MME: variants seen among roughly 807,000 people sequenced by gnomAD.
MME encodes neprilysin.
MME carries 98 observed loss-of-function variants against 113.2 expected under a neutral mutation model. The observed-to-expected ratio is 0.87, with a 90% CI of 0.74 to 1.02. The LOEUF (loss-of-function observed/expected upper bound fraction) is 1.02. Among genes scored for constraint, MME ranks in the 50% least tolerant of loss-of-function variants. The pLI, the probability that MME is intolerant of heterozygous loss-of-function variation, is 0.00. For missense variants in MME, 836 were observed against 896.0 expected, an observed-to-expected ratio of 0.93 and a Z score of 0.86; for synonymous variants, 292 against 300.6, an observed-to-expected ratio of 0.97 and a Z score of 0.30.
chr3:155,068,022 T>C lies in MME; in HGVS notation c.-10-16136T>C, dbSNP rs1397107378. Among the ~76,000 whole-genome samples, 4 of 152,158 alleles carry C rather than the reference T, an allele frequency of 2.6e-5. No homozygotes were observed. The East Asian group carries it at 7.7e-4, about 29-fold the overall frequency. The stretch of plus-strand genomic sequence containing the variant: ...TGTGTAATAGCCCCAAGCTATAAAT[T>C]AAACAAATTTCTATCAACAAGGGAA... On this transcript the variant is annotated intron_variant, in intron 1 of 22. Transcript: ENST00000492661.
chr3:155,059,578 A>C (rs1463223967), intron 1 of MME, among the ~76,000 whole-genome samples: 1 of 152,178 alleles, frequency 6.6e-6, no homozygotes, highest in East Asian at 1.9e-4. Flanking sequence ...ACAAGCTATT[A>C]ACCACTATAT....
rs535580344 is a variant in MME at position 155,042,900 on chromosome 3, T to A, written c.-11+18576T>A. The stretch of plus-strand genomic sequence containing the variant: ...TTAGAAAAATTACCAATAGTAGGTT[T>A]TATATATATATATATATATATATAT... On this transcript the variant is annotated intron_variant, in intron 1 of 22. Transcript: ENST00000492661. Among the ~76,000 whole-genome samples the A allele has an allele frequency of 4.9e-3, 307 of 62,900 alleles. 11 individuals carry two copies. Among genetic ancestry groups the A allele is most frequent in the Middle Eastern group, 0.015 (1 of 66 alleles). 41.3% of individuals were successfully genotyped at this position (62,900 alleles called of 152,430 possible). A position where few individuals can be genotyped will look rare whatever the true frequency, so the allele number is the denominator to read the frequency against.
intron 8 of MME, among the ~76,000 whole-genome samples, chr3:155,132,532 A>G (rs1720220384): frequency 6.7e-6 from 1 of 149,912 alleles, no homozygotes; most frequent in South Asian, 2.1e-4. Context: ...AGGACTTACA[A>G]TTTTTTTTTT....
intron 13 of MME, 73 bp downstream of exon 13, chr3:155,143,644 C>G: frequency 6.5e-7 from 1 of 1,548,392 alleles, no homozygotes; most frequent in Non-Finnish European, 8.9e-7. Flanking sequence ...TGAGCAATTA[C>G]AGTTCTCCAT....
intron 8 of MME, among the ~76,000 whole-genome samples, chr3:155,133,027 G>A (rs1720261970): frequency 1.6e-5 from 1 of 61,704 alleles, no homozygotes; most frequent in Non-Finnish European, 3.2e-5. Flanking sequence ...GGCAACAAGA[G>A]CAAACCCCGT....
intron 17 of MME, among the ~76,000 whole-genome samples, chr3:155,163,004 C>T (rs1170406170): frequency 7.9e-6 from 1 of 125,846 alleles, no homozygotes; most frequent in African/African-American, 3.1e-5. Context: ...CAAAACAAAA[C>T]TCTGTCTCAA....
chr3:155,030,374 C>T lies in MME; in HGVS notation c.-11+6050C>T, dbSNP rs374197924. On this transcript the variant is annotated intron_variant, in intron 1 of 22. Transcript: ENST00000492661. ...AAGTCATATTTTGGAGACCAATCTA[C>T]ACTTAGGTGGTCTTTTCAACTTTGC... Among the ~76,000 whole-genome samples, 5 of 152,118 alleles carry T rather than the reference C, an allele frequency of 3.3e-5. No homozygotes were observed. In the East Asian group the frequency reaches 9.7e-4, roughly 29 times the overall value.
chr3:155,087,419 A>C (rs1315044086), intron 3 of MME, among the ~76,000 whole-genome samples: 1 of 151,924 alleles, frequency 6.6e-6, no homozygotes, highest in Admixed American at 6.6e-5. Flanking sequence ...AAGTTTCTTT[A>C]TTCCCCAGGG....
chr3:155,141,651 A>G (rs1399977406), intron 10 of MME, among the ~76,000 whole-genome samples: 2 of 152,154 alleles, frequency 1.3e-5, no homozygotes, highest in Non-Finnish European at 2.9e-5. Flanking sequence ...ACACATTTCC[A>G]TTTTTGCATA....
At chr3:155,154,610 T>C (rs1722181360) in intron 16 of MME, among the ~76,000 whole-genome samples, 2 of 152,170 alleles carry the variant, frequency 1.3e-5, no homozygotes, top group Admixed American at 6.6e-5. Context: ...AAAAAACACA[T>C]TCTTGAGTGG....
intron 1 of MME, among the ~76,000 whole-genome samples, chr3:155,069,481 A>G (rs1385145779): frequency 6.6e-6 from 1 of 152,214 alleles, no homozygotes; most frequent in Non-Finnish European, 1.5e-5. Context: ...CTGAGCTCAC[A>G]AGTGAATGAC....
chr3:155,155,397 A>G (rs1190050712), intron 16 of MME, among the ~76,000 whole-genome samples: 1 of 152,150 alleles, frequency 6.6e-6, no homozygotes, highest in African/African-American at 2.4e-5. Flanking sequence ...TCAACGGTGC[A>G]CAGTTTCTGA....
At chr3:155,108,261 G>C (rs1213100724) in intron 3 of MME, among the ~76,000 whole-genome samples, 9 of 151,970 alleles carry the variant, frequency 5.9e-5, no homozygotes, top group Admixed American at 2.6e-4. Flanking sequence ...AATTCATATG[G>C]GAAACCATCA....
rs534830810 is a variant in MME, at chr3:155,115,711, C to T, written c.358+556C>T. ...AAAGTGCTGGGATTACAGGTGTGAG[C>T]CACTATGCCCAGCCAAGATGGTAGT... On this transcript the variant is annotated intron_variant, in intron 4 of 22. Transcript: ENST00000360490. 3.3e-5 allele frequency among the ~76,000 whole-genome samples: 5 copies of T among 152,246 alleles called. No individual in the cohort carries two copies. In the East Asian group the frequency reaches 9.7e-4, roughly 29 times the overall value.
chr3:155,071,140 T>C (rs892238918), intron 1 of MME, among the ~76,000 whole-genome samples: 2 of 152,228 alleles, frequency 1.3e-5, no homozygotes, highest in African/African-American at 4.8e-5. Context: ...CCACACAAGT[T>C]GTGCTGTGAA....
At chr3:155,133,054 A>T (rs969194275) in intron 8 of MME, among the ~76,000 whole-genome samples, 7 of 86,148 alleles carry the variant, frequency 8.1e-5, no homozygotes, top group African/African-American at 3.1e-4. Context: ...AAAAAAAAAA[A>T]AAAAAAAAAT....
intron 18 of MME, among the ~76,000 whole-genome samples, chr3:155,167,627 A>G (rs1723201959): frequency 6.6e-6 from 1 of 152,202 alleles, no homozygotes; most frequent in Admixed American, 6.5e-5. Context: ...TCATTCACAA[A>G]TGGAAAGTAG....
At chr3:155,178,214 C>G (rs1241868426) in intron 22 of MME, among the ~76,000 whole-genome samples, 6 of 151,992 alleles carry the variant, frequency 3.9e-5, no homozygotes, top group African/African-American at 1.2e-4. Flanking sequence ...GATTATTTTT[C>G]GTCTTTAAGA....
At chr3:155,064,564 A>G (rs920747781) in intron 1 of MME, among the ~76,000 whole-genome samples, 1 of 152,216 alleles carries the variant, frequency 6.6e-6, no homozygotes, top group African/African-American at 2.4e-5. Flanking sequence ...TGCACATATC[A>G]CATTGTATTT....
Sources: gnomAD v4.1 joint callset for allele counts (sites outside exome capture counted in the v4.1 genomes callset) on GRCh38, gnomAD v4.1.1 for gene constraint, MANE v1.5 for transcripts, NCBI Gene and HGNC (gene_info 2026-07-23, HGNC 2026-07-21) for gene names.